Variants in INSYN2B observed in about 807,000 individuals in gnomAD.
INSYN2B encodes the protein inhibitory synaptic factor family member 2B.
INSYN2B carries 16 observed loss-of-function variants against 41.2 expected under a neutral mutation model. The ratio of observed to expected loss-of-function variants is 0.39; its 90% CI spans 0.26 to 0.59. The LOEUF (loss-of-function observed/expected upper bound fraction) is 0.59, where lower values mean the gene tolerates loss of function less well. Among genes scored for constraint, INSYN2B ranks in the 20% least tolerant of loss-of-function variants. The pLI, the probability that INSYN2B is intolerant of heterozygous loss-of-function variation, is 0.57. For synonymous variants in INSYN2B, 245 were observed against 244.4 expected (o/e 1.00, Z -0.02); for missense variants, 608 against 646.4 (o/e 0.94, Z 0.64).
intron 3 of INSYN2B, among the ~76,000 whole-genome samples, chr5:169,868,162 A>T (rs1771717894): frequency 6.6e-6 from 1 of 152,180 alleles, no homozygotes; most frequent in Non-Finnish European, 1.5e-5. Context: ...TCTGGGCCTG[A>T]CACTGTACCA....
At chr5:169,891,521 C>A (rs1387002082) in intron 1 of INSYN2B, among the ~76,000 whole-genome samples, 2 of 152,120 alleles carry the variant, frequency 1.3e-5, no homozygotes, top group African/African-American at 4.8e-5. Context: ...CAAGCTTAAG[C>A]ACAATTCCAA....
intron 1 of INSYN2B, among the ~76,000 whole-genome samples, chr5:169,979,778 A>C (rs913591337): frequency 4.6e-5 from 7 of 152,230 alleles, no homozygotes; most frequent in Non-Finnish European, 7.3e-5. Context: ...AGAACTAAGA[A>C]ATTAACAAGC....
intron 1 of INSYN2B, among the ~76,000 whole-genome samples, chr5:169,961,187 T>A (rs1351774014): frequency 4.6e-5 from 7 of 152,218 alleles, no homozygotes; most frequent in Non-Finnish European, 5.9e-5. Context: ...TGAGGGGGCA[T>A]AAATGGGTAG....
intron 1 of INSYN2B, among the ~76,000 whole-genome samples, chr5:169,979,897 A>G (rs1282971165): frequency 6.6e-6 from 1 of 152,228 alleles, no homozygotes; most frequent in Non-Finnish European, 1.5e-5. Context: ...GATGGGGACT[A>G]GAATCCCCCT....
At position 169,888,662 on chromosome 5, in the gene INSYN2B, G is replaced by A. The variant is rs116687232; in HGVS notation, c.-918-3846C>T. Among the ~76,000 whole-genome samples the A allele has an allele frequency of 8.4e-3, 1,284 of 152,298 alleles. 4 individuals carry two copies. The highest frequency in any genetic ancestry group is 0.01 in the African/African-American group (424 of 41,552). ...GCATAGGCTTTTGCTTAAGATCTAC[G>A]TAGATGAGACTCTTCCACTTTCTGA... is the stretch of plus-strand genomic sequence containing the variant. On this transcript the variant is annotated intron_variant, in intron 1 of 3. Coordinates refer to ENST00000377365, the MANE Select transcript of INSYN2B (RefSeq NM_001129891.3).
chr5:169,954,717 T>G (rs1264416930), intron 1 of INSYN2B, among the ~76,000 whole-genome samples: 1 of 152,224 alleles, frequency 6.6e-6, no homozygotes, highest in Non-Finnish European at 1.5e-5. Flanking sequence ...GTTGTTTGTT[T>G]ATTTGTTTTT....
intron 1 of INSYN2B, among the ~76,000 whole-genome samples, chr5:169,937,290 C>T (rs1561837785): frequency 6.6e-6 from 1 of 152,130 alleles, no homozygotes; most frequent in Non-Finnish European, 1.5e-5. Flanking sequence ...AAAATCTGAC[C>T]CTTTGAGAAC....
chr5:169,967,882 C>G (rs776997120), intron 1 of INSYN2B, among the ~76,000 whole-genome samples: 1 of 151,912 alleles, frequency 6.6e-6, no homozygotes, highest in African/African-American at 2.4e-5. Flanking sequence ...GTGGGAGGAG[C>G]GAGAGAAAGG....
intron 1 of INSYN2B, among the ~76,000 whole-genome samples, chr5:169,928,736 G>A (rs1033849129): frequency 6.6e-6 from 1 of 152,194 alleles, no homozygotes; most frequent in Non-Finnish European, 1.5e-5. Context: ...CCTTCATAGA[G>A]AACAGTTATA....
chr5:169,964,227 C>T (rs567419456), intron 1 of INSYN2B, among the ~76,000 whole-genome samples: 31 of 152,246 alleles, frequency 2.0e-4, no homozygotes, highest in African/African-American at 7.2e-4. Flanking sequence ...TCCTCGGTGA[C>T]CACAGGCCTT....
At chr5:169,886,670 G>A (rs1581359877) in intron 1 of INSYN2B, among the ~76,000 whole-genome samples, 1 of 152,220 alleles carries the variant, frequency 6.6e-6, no homozygotes, top group Admixed American at 6.5e-5. Context: ...AGAGTAAGCA[G>A]TTGAAATTTG....
intron 1 of INSYN2B, among the ~76,000 whole-genome samples, chr5:169,941,345 T>C (rs1776237599): frequency 2.0e-5 from 3 of 152,160 alleles, no homozygotes; most frequent in Admixed American, 1.3e-4. Context: ...GTAGCTGGGA[T>C]TACAGGCCTG....
chr5:169,952,769 C>T (rs1776711789), intron 1 of INSYN2B, among the ~76,000 whole-genome samples: 2 of 152,214 alleles, frequency 1.3e-5, no homozygotes, highest in South Asian at 2.1e-4. Flanking sequence ...CGTTTGATGC[C>T]GTTTCAATCC....
intron 1 of INSYN2B, among the ~76,000 whole-genome samples, chr5:169,918,641 A>G (rs1775008356): frequency 6.6e-6 from 1 of 152,212 alleles, no homozygotes; most frequent in Non-Finnish European, 1.5e-5. Flanking sequence ...GACCAGGTGC[A>G]GTGGCTCATG....
chr5:169,898,019 G>A (rs553630273), intron 1 of INSYN2B, among the ~76,000 whole-genome samples: 3 of 152,360 alleles, frequency 2.0e-5, no homozygotes, highest in African/African-American at 4.8e-5. Context: ...AAGAGTATTA[G>A]GAAATAATTC....
chr5:169,890,864 C>T (rs1367342489), intron 1 of INSYN2B, among the ~76,000 whole-genome samples: 1 of 152,162 alleles, frequency 6.6e-6, no homozygotes, highest in African/African-American at 2.4e-5. Flanking sequence ...TGAGTGTCCC[C>T]CTCTCTTGTC....
At chr5:169,962,417 G>T (rs1189196559) in intron 1 of INSYN2B, among the ~76,000 whole-genome samples, 2 of 152,128 alleles carry the variant, frequency 1.3e-5, no homozygotes. Context: ...GAGGATGGAG[G>T]TTCCATTTCC....
chr5:169,897,194 CT>C (rs374567890), intron 1 of INSYN2B, among the ~76,000 whole-genome samples: 19 of 151,068 alleles, frequency 1.3e-4, no homozygotes, highest in African/African-American at 4.4e-4. Context: ...AATGTGAGCT[CT>C]TTTTTTTTGA....
At chr5:169,888,499 C>T (rs1477132970) in intron 1 of INSYN2B, among the ~76,000 whole-genome samples, 1 of 152,214 alleles carries the variant, frequency 6.6e-6, no homozygotes, top group Non-Finnish European at 1.5e-5. Flanking sequence ...AAATGGTCCT[C>T]ATGGAATCAG....
Sources: gnomAD v4.1 joint callset for allele counts (sites outside exome capture counted in the v4.1 genomes callset) on GRCh38, gnomAD v4.1.1 for gene constraint, MANE v1.5 for transcripts, NCBI Gene and HGNC (gene_info 2026-07-23, HGNC 2026-07-21) for gene names.